The following MICU3 variants were observed in gnomAD, a reference collection of about 807,000 sequenced individuals.
MICU3 encodes the protein mitochondrial calcium uptake 3.
In MICU3, 62 loss-of-function variants were observed where a neutral mutation model predicts 66.5. The observed-to-expected ratio is 0.93, with a 90% CI of 0.76 to 1.15. The LOEUF (loss-of-function observed/expected upper bound fraction) is 1.15. Among genes scored for constraint, MICU3 ranks in the 50% most tolerant of loss-of-function variants. The pLI is 0.00. For missense variants in MICU3, 779 were observed against 664.4 expected (o/e 1.17, Z -1.90); for synonymous variants, 308 against 240.7 (o/e 1.28, Z -2.59).
chr8:17,076,811 G>A (rs764389329), intron 3 of MICU3, among the ~76,000 whole-genome samples: 10 of 152,140 alleles, frequency 6.6e-5, no homozygotes, highest in African/African-American at 1.9e-4. Context: ...TCTGCATTTC[G>A]CACAAGCTCT....
At chr8:17,030,136 G>T (rs112510705) in intron 1 of MICU3, among the ~76,000 whole-genome samples, 1 of 152,038 alleles carries the variant, frequency 6.6e-6, no homozygotes, top group South Asian at 2.1e-4. Flanking sequence ...TCTTTTTGCT[G>T]TAAGGATATA....
At chr8:17,066,150 G>C (rs1170537497) in intron 2 of MICU3, among the ~76,000 whole-genome samples, 2 of 151,776 alleles carry the variant, frequency 1.3e-5, no homozygotes, top group African/African-American at 2.4e-5. Context: ...GTACAATGTA[G>C]ATTCTTTATT....
intron 1 of MICU3, among the ~76,000 whole-genome samples, chr8:17,034,090 G>A (rs1237478812): frequency 6.6e-6 from 1 of 152,182 alleles, no homozygotes; most frequent in Non-Finnish European, 1.5e-5. Flanking sequence ...TGCAGCTGGT[G>A]ACTTGAAGTT....
At chr8:17,105,608 G>T in intron 11 of MICU3, 24 bp downstream of exon 11, 1 of 1,419,902 alleles carries the variant, frequency 7.0e-7, no homozygotes, top group Non-Finnish European at 9.4e-7. Flanking sequence ...ATATTTAGTT[G>T]GTTATGTTAC....
chr8:17,067,008 C>G (rs914693751), intron 2 of MICU3, among the ~76,000 whole-genome samples: 2 of 152,092 alleles, frequency 1.3e-5, no homozygotes, highest in Admixed American at 6.6e-5. Flanking sequence ...GAGTAAAAAA[C>G]TGGTTTCTAT....
At chr8:17,030,360 C>T (rs951746457) in intron 1 of MICU3, among the ~76,000 whole-genome samples, 3 of 152,214 alleles carry the variant, frequency 2.0e-5, no homozygotes, top group Non-Finnish European at 4.4e-5. Flanking sequence ...GTCCTTTCAT[C>T]TGCACGAAAG....
intron 9 of MICU3, among the ~76,000 whole-genome samples, chr8:17,100,686 T>C (rs1423059282): frequency 6.6e-6 from 1 of 151,760 alleles, no homozygotes; most frequent in African/African-American, 2.4e-5. Flanking sequence ...CCTCATATTC[T>C]AGTCTGGAGC....
At chr8:17,126,243 G>C (rs1803403650), downstream of MICU3, among the ~76,000 whole-genome samples, 1 of 151,974 alleles carries the variant, frequency 6.6e-6, no homozygotes, top group Admixed American at 6.6e-5. Context: ...GAACTCTGTG[G>C]GGTGAGTCTG....
At chr8:17,043,796 T>G (rs2150537256) in intron 1 of MICU3, among the ~76,000 whole-genome samples, 1 of 152,338 alleles carries the variant, frequency 6.6e-6, no homozygotes, top group Admixed American at 6.5e-5. Context: ...ATTCAAGTCT[T>G]TTATAATATG....
intron 1 of MICU3, among the ~76,000 whole-genome samples, chr8:17,038,565 A>G (rs978830957): frequency 2.0e-5 from 3 of 152,212 alleles, no homozygotes; most frequent in Admixed American, 6.5e-5. Flanking sequence ...GTTTGAGAGG[A>G]TGGACTCCAG....
At chr8:17,136,315 T>G in the MICU3 span, among the ~76,000 whole-genome samples, 1 of 152,130 alleles carries the variant, frequency 6.6e-6, no homozygotes. Flanking sequence ...AAGTTATTTT[T>G]CATTATTTTA....
rs555971305 is a variant in MICU3, at chr8:17,091,997, C to T, written c.888+1413C>T. On this transcript the variant is annotated intron_variant, in intron 8 of 14. Coordinates refer to ENST00000318063, the MANE Select transcript of MICU3 (RefSeq NM_181723.3). ...GGTTCAAGTGATTCTTCTGCCTCAG[C>T]CTCCCAAGTAGCTGAGATTACAGGC... 3.3e-5 allele frequency among the ~76,000 whole-genome samples: 5 copies of T among 152,146 alleles called. No homozygotes were observed. The South Asian group carries it at 6.2e-4, about 19-fold the overall frequency.
chr8:17,077,514 TG>T (rs2150706120), intron 3 of MICU3, among the ~76,000 whole-genome samples: 1 of 152,342 alleles, frequency 6.6e-6, no homozygotes, highest in Non-Finnish European at 1.5e-5. Context: ...GGTTGTCTTA[TG>T]TATAACCTCC....
At chr8:17,033,932 G>A (rs907407040) in intron 1 of MICU3, among the ~76,000 whole-genome samples, 3 of 152,150 alleles carry the variant, frequency 2.0e-5, no homozygotes, top group Non-Finnish European at 4.4e-5. Context: ...ACTGATGAAG[G>A]TGGTTACACT....
At chr8:17,098,672 G>A (rs1178922789) in intron 9 of MICU3, 119 bp downstream of exon 9, 4 of 685,990 alleles carry the variant, frequency 5.8e-6, no homozygotes, top group Non-Finnish European at 7.7e-6. Flanking sequence ...CATTGTTTTA[G>A]TACAGCAAAA....
chr8:17,029,955 T>C (rs955626181), intron 1 of MICU3, among the ~76,000 whole-genome samples: 3 of 152,220 alleles, frequency 2.0e-5, no homozygotes, highest in Non-Finnish European at 2.9e-5. Context: ...AATATTTTCA[T>C]CTGTTTATTT....
Position 17,118,775 on chromosome 8 carries a change from A to G in MICU3, c.1593A>G (p.Ter531=). 1 of 1,599,782 alleles carries G rather than the reference A, an allele frequency of 6.3e-7. No individual in the cohort carries two copies. Among genetic ancestry groups the G allele is most frequent in the Non-Finnish European group, 8.6e-7 (1 of 1,167,582 alleles). Residue 531 remains the stop codon, a splice_region_variant and stop_retained_variant, in exon 14 of 15, where the codon TAA becomes TAG. Coordinates refer to ENST00000318063, the MANE Select transcript of MICU3 (RefSeq NM_181723.3). ...TGAAGAAAGAACTTCACAGCAGATAAGTATGTTAGCTTCTATTTGTCTAAA... is the reference window on the plus strand; with the variant it reads ...TGAAGAAAGAACTTCACAGCAGATAGGTATGTTAGCTTCTATTTGTCTAAA... ...SCLKKELHSR[*] is the part of the protein sequence containing the mutation.
At chr8:17,116,692 C>A (rs889186743) in intron 13 of MICU3, 92 bp downstream of exon 13, 11 of 978,418 alleles carry the variant, frequency 1.1e-5, no homozygotes, top group Non-Finnish European at 1.6e-5. Flanking sequence ...ATCTTAATTT[C>A]TTAAGGATAT....
chr8:17,087,361 G>T (rs955046649), intron 7 of MICU3, among the ~76,000 whole-genome samples: 1 of 151,990 alleles, frequency 6.6e-6, no homozygotes, highest in Non-Finnish European at 1.5e-5. Flanking sequence ...GAATTGCAAA[G>T]ATTTAATTAT....
Sources: allele counts gnomAD v4.1 joint callset (sites outside exome capture counted in the v4.1 genomes callset), GRCh38; gene constraint gnomAD v4.1.1; transcripts MANE v1.5; gene names NCBI Gene and HGNC (gene_info 2026-07-23, HGNC 2026-07-21).